ELFN1: variants seen among roughly 807,000 people sequenced by gnomAD.
The protein encoded by ELFN1 is extracellular leucine rich repeat and fibronectin type III domain containing 1, also known as protein ELFN1.
A neutral mutation model predicts 7.6 loss-of-function variants in ELFN1; 6 were observed. The ratio of observed to expected loss-of-function variants is 0.79; its 90% CI spans 0.43 to 1.56. The LOEUF (loss-of-function observed/expected upper bound fraction) is 1.56. Ranked by LOEUF, ELFN1 falls within the 40% of genes most tolerant of loss-of-function variation. ELFN1 has a pLI of 0.01. For synonymous variants in ELFN1, 657 were observed against 588.1 expected, an observed-to-expected ratio of 1.12 and a Z score of -1.70; for missense variants, 1,169 against 1,232.2, an observed-to-expected ratio of 0.95 and a Z score of 0.77.
intron 3 of ELFN1, among the ~76,000 whole-genome samples, chr7:1,731,790 C>T (rs1780330056): frequency 6.6e-6 from 1 of 152,192 alleles, no homozygotes; most frequent in Non-Finnish European, 1.5e-5. Context: ...GCTGGGATTA[C>T]AGGCCCCCAC....
chr7:1,726,745 C>T (rs973169134), intron 3 of ELFN1, among the ~76,000 whole-genome samples: 3 of 152,288 alleles, frequency 2.0e-5, no homozygotes, highest in South Asian at 2.1e-4. Flanking sequence ...GGGGAGGGGC[C>T]GTCGTCCCAG....
At position 1,719,298 on chromosome 7, in the gene ELFN1, G is replaced by GCCCCGCCCACCAACAGGGC. The variant is rs1554252728; in HGVS notation, c.-294+10063_-294+10064insGCCCCCGCCCACCAACAGG. Among the ~76,000 whole-genome samples, 18 of 85,988 alleles carry GCCCCGCCCACCAACAGGGC rather than the reference G, an allele frequency of 2.1e-4. 1 individual carries two copies. The highest frequency in any genetic ancestry group is 3.6e-4 in the Non-Finnish European group (14 of 39,330). 56.4% of individuals were successfully genotyped at this position (85,988 alleles called of 152,430 possible). A position where few individuals can be genotyped will look rare whatever the true frequency, so the allele number is the denominator to read the frequency against. On this transcript the variant is annotated intron_variant, in intron 3 of 3. Transcript: ENST00000424383. Reference sequence around the variant, plus strand: ...CAACAGGGCCCCGCCCACCAACAGGGCCCCGCCCACCAACAGGACCCAAGC... The same window carrying GCCCCGCCCACCAACAGGGC: ...CAACAGGGCCCCGCCCACCAACAGGGCCCCGCCCACCAACAGGGCCCCCGCCCACCAACAGGACCCAAGC...
At chr7:1,724,786 A>T (rs1780139217) in intron 3 of ELFN1, among the ~76,000 whole-genome samples, 2 of 152,192 alleles carry the variant, frequency 1.3e-5, no homozygotes, top group South Asian at 4.2e-4. Flanking sequence ...CACGGCCACC[A>T]CTGCCCCTTC....
chr7:1,691,334 C>G (rs1779159395), intron 2 of ELFN1, among the ~76,000 whole-genome samples: 1 of 152,198 alleles, frequency 6.6e-6, no homozygotes, highest in Non-Finnish European at 1.5e-5. Flanking sequence ...TCTGCAGTCT[C>G]CACCCAAGGC....
Position 1,693,880 on chromosome 7 carries a change from C to A in ELFN1, c.-456+5730C>A, listed in dbSNP as rs535860123. The A allele has an allele frequency of 1.2e-5, 5 of 428,852 alleles. No homozygotes were observed. The East Asian group carries it at 2.9e-4, about 25-fold the overall frequency. 26.6% of individuals were successfully genotyped at this position (428,852 alleles called of 1,614,324 possible). ...GCTCCAGCAGGAGTGAGAGTGCTTC[C>A]TCCTCCCCAGTCCATGCCACCTCCT... On this transcript the variant is annotated intron_variant, in intron 2 of 3. Coordinates refer to ENST00000424383, the MANE Select transcript of ELFN1 (RefSeq NM_001128636.4).
At chr7:1,713,701 C>T (rs1461625759) in intron 3 of ELFN1, among the ~76,000 whole-genome samples, 5 of 152,112 alleles carry the variant, frequency 3.3e-5, no homozygotes, top group Non-Finnish European at 7.4e-5. Flanking sequence ...AGCCCAGACC[C>T]TCTCTGCAAG....
At chr7:1,680,097 G>A (rs55749304) in intron 1 of ELFN1, among the ~76,000 whole-genome samples, 15,242 of 152,242 alleles carry the variant, frequency 0.1, 794 homozygotes, top group Middle Eastern at 0.16. Flanking sequence ...CCTACCCAGT[G>A]GACATTCTCC....
At chr7:1,710,965 A>G (rs985883142) in intron 3 of ELFN1, among the ~76,000 whole-genome samples, 3 of 152,206 alleles carry the variant, frequency 2.0e-5, no homozygotes, top group Non-Finnish European at 4.4e-5. Flanking sequence ...AAGTGAGGGC[A>G]AGGTCCCAGG....
intron 3 of ELFN1, among the ~76,000 whole-genome samples, chr7:1,713,743 C>G (rs1779736230): frequency 6.6e-6 from 1 of 152,168 alleles, no homozygotes; most frequent in Non-Finnish European, 1.5e-5. Context: ...CGGTTTCCCT[C>G]TCTGGGGAGG....
intron 3 of ELFN1, among the ~76,000 whole-genome samples, chr7:1,742,879 A>T (rs910406961): frequency 1.3e-5 from 2 of 152,188 alleles, no homozygotes; most frequent in Non-Finnish European, 2.9e-5. Context: ...TCTAATTTAA[A>T]CCGCTTCAGT....
At chr7:1,681,306 C>T (rs555224235) in intron 1 of ELFN1, among the ~76,000 whole-genome samples, 2 of 152,214 alleles carry the variant, frequency 1.3e-5, no homozygotes, top group East Asian at 1.9e-4. Flanking sequence ...TGTGAACATT[C>T]GTGCACAAAC....
chr7:1,693,788 G>C lies in ELFN1; in HGVS notation c.-456+5638G>C, dbSNP rs551141573. 2.3e-5 allele frequency: 11 copies of C among 470,692 alleles called. 1 individual carries two copies. The highest frequency in any genetic ancestry group is 1.2e-4 in the African/African-American group (6 of 50,202). The allele number at this position is 470,692 out of a possible 1,614,324, so 29.2% of individuals were successfully genotyped here. ...GACCCTGATCAGTGCTGACAGACAC[G>C]GGGTGCGGGACACGTGGGATGGGCC... On this transcript the variant is annotated intron_variant, in intron 2 of 3. Coordinates refer to ENST00000424383, the MANE Select transcript of ELFN1 (RefSeq NM_001128636.4).
At chr7:1,675,841 C>T (rs550181768) in intron 1 of ELFN1, among the ~76,000 whole-genome samples, 296 of 152,346 alleles carry the variant, frequency 1.9e-3, no homozygotes, top group African/African-American at 6.6e-3. Context: ...GAGATACCCA[C>T]AGCACAGCTG....
chr7:1,690,888 G>A (rs946730933), intron 2 of ELFN1, among the ~76,000 whole-genome samples: 4 of 152,080 alleles, frequency 2.6e-5, no homozygotes, highest in African/African-American at 9.7e-5. Flanking sequence ...GATGATGAAT[G>A]GATGAATGGA....
intron 1 of ELFN1, among the ~76,000 whole-genome samples, 155 bp from the exon 2 acceptor site, chr7:1,687,903 A>T (rs1181324560): frequency 1.3e-5 from 2 of 150,620 alleles, no homozygotes; most frequent in African/African-American, 4.9e-5. Context: ...TTATTTGTTT[A>T]TTTTTTTTAT....
At chr7:1,686,908 C>T in intron 1 of ELFN1, among the ~76,000 whole-genome samples, 1 of 152,062 alleles carries the variant, frequency 6.6e-6, no homozygotes, top group East Asian at 1.9e-4. Context: ...TGTATTGCTG[C>T]CCCAGTCAGG....
At chr7:1,718,533 A>G (rs1184616879) in intron 3 of ELFN1, among the ~76,000 whole-genome samples, 1 of 152,170 alleles carries the variant, frequency 6.6e-6, no homozygotes, top group African/African-American at 2.4e-5. Context: ...GCATGCTTTG[A>G]ATGCAAAGGG....
chr7:1,706,278 C>T (rs1779528265), intron 2 of ELFN1, among the ~76,000 whole-genome samples: 1 of 152,164 alleles, frequency 6.6e-6, no homozygotes, highest in Admixed American at 6.5e-5. Flanking sequence ...CAAAAATTAG[C>T]CAGGCATGGT....
chr7:1,666,392 C>T (rs1778671688), upstream of ELFN1, among the ~76,000 whole-genome samples: 1 of 151,960 alleles, frequency 6.6e-6, no homozygotes, highest in African/African-American at 2.4e-5. The surrounding 1 kb of genome is among the most constrained non-coding windows in gnomAD (Gnocchi z 7.9). Flanking sequence ...CGAGTCTCCC[C>T]GCCCGCGGGG....
Sources: allele counts gnomAD v4.1 joint callset (sites outside exome capture counted in the v4.1 genomes callset), GRCh38; gene constraint gnomAD v4.1.1; non-coding constraint Gnocchi (gnomAD v3.1); transcripts MANE v1.5; gene names NCBI Gene and HGNC (gene_info 2026-07-23, HGNC 2026-07-21).